Variants in PRKG1 observed in about 807,000 individuals in gnomAD.
PRKG1 encodes protein kinase cGMP-dependent 1.
PRKG1 carries 35 observed loss-of-function variants against 88.1 expected under a neutral mutation model. The ratio of observed to expected loss-of-function variants is 0.40; its 90% CI spans 0.30 to 0.53. The LOEUF (loss-of-function observed/expected upper bound fraction) is 0.53, where lower values mean the gene tolerates loss of function less well. Among genes scored for constraint, PRKG1 ranks in the 20% least tolerant of loss-of-function variants. The pLI is 0.59. For missense variants in PRKG1, 540 were observed against 839.8 expected (o/e 0.64, Z 4.41); for synonymous variants, 303 against 292.5 (o/e 1.04, Z -0.37).
Position 52,139,353 on chromosome 10 carries a change from G to A in PRKG1, c.1001+5448G>A, listed in dbSNP as rs561688678. Among the ~76,000 whole-genome samples the A allele has an allele frequency of 3.9e-5, 6 of 152,198 alleles. No homozygotes were observed. The East Asian group carries it at 5.8e-4, about 15-fold the overall frequency. On this transcript the variant is annotated intron_variant, in intron 8 of 17. Coordinates refer to ENST00000373980, the MANE Select transcript of PRKG1 (RefSeq NM_006258.4). ...CACATGTAGCCTCTGTTTAGAACTC[G>A]TTTGTAACTCTTTAGCCACAACAGC...
intron 1 of PRKG1, among the ~76,000 whole-genome samples, chr10:51,144,921 C>T (rs2131961200): frequency 6.6e-6 from 1 of 152,274 alleles, no homozygotes; most frequent in African/African-American, 2.4e-5. Context: ...GAGAATCATG[C>T]TGTATTTCTG....
Position 51,689,552 on chromosome 10 carries a change from T to C in PRKG1, c.593-115033T>C, listed in dbSNP as rs1482483548. The stretch of plus-strand genomic sequence containing the variant: ...TTTGCAAAGGGTTGGAGAATATGGA[T>C]TAATCCCATACAATGTGTAAGTGGT... On this transcript the variant is annotated intron_variant, in intron 3 of 17. Transcript: ENST00000373980. Among the ~76,000 whole-genome samples the C allele has an allele frequency of 2.0e-5, 3 of 152,148 alleles. No homozygotes were observed. In the East Asian group the frequency reaches 5.8e-4, roughly 29 times the overall value.
At chr10:51,992,392 T>C (rs892099798) in intron 5 of PRKG1, among the ~76,000 whole-genome samples, 7 of 152,080 alleles carry the variant, frequency 4.6e-5, no homozygotes, top group Non-Finnish European at 1.0e-4. Context: ...AAAAAAAAAA[T>C]CTTTAATGTA....
At chr10:52,231,266 TGGA>T (rs1342496079) in intron 9 of PRKG1, 1 of 152,094 alleles carries the variant, frequency 6.6e-6, no homozygotes, top group Non-Finnish European at 1.5e-5. Context: ...CCAGACATGG[TGGA>T]GGGTGCCTGT....
chr10:51,004,356 G>A (rs755965424), intron 1 of PRKG1, among the ~76,000 whole-genome samples: 1 of 152,128 alleles, frequency 6.6e-6, no homozygotes, highest in Non-Finnish European at 1.5e-5. Flanking sequence ...CTATTGGACA[G>A]GCTGAGGCAG....
At chr10:51,254,106 C>A (rs1284839915) in intron 2 of PRKG1, among the ~76,000 whole-genome samples, 1 of 151,934 alleles carries the variant, frequency 6.6e-6, no homozygotes, top group Admixed American at 6.6e-5. Flanking sequence ...CATACACACA[C>A]ACTATATTCA....
At chr10:51,506,952 C>G (rs1443442512) in intron 3 of PRKG1, among the ~76,000 whole-genome samples, 1 of 152,048 alleles carries the variant, frequency 6.6e-6, no homozygotes, top group African/African-American at 2.4e-5. Context: ...ACATATTCAC[C>G]ATGGAATACT....
At chr10:51,434,055 G>A (rs577948642) in intron 2 of PRKG1, among the ~76,000 whole-genome samples, 188 of 152,226 alleles carry the variant, frequency 1.2e-3, no homozygotes, top group African/African-American at 4.2e-3. Flanking sequence ...CTGACACCAA[G>A]TCCAGAATGC....
chr10:51,599,903 C>A (rs1348080955), intron 3 of PRKG1, among the ~76,000 whole-genome samples: 1 of 152,078 alleles, frequency 6.6e-6, no homozygotes, highest in Admixed American at 6.6e-5. Flanking sequence ...TGTAAATTTG[C>A]TTTCAAAATA....
chr10:51,039,662 A>G (rs1328349190), intron 1 of PRKG1, among the ~76,000 whole-genome samples: 1 of 152,078 alleles, frequency 6.6e-6, no homozygotes, highest in Non-Finnish European at 1.5e-5. Context: ...TACTCAAGAA[A>G]TCTTTGCTCA....
chr10:51,829,293 T>C (rs1839948549), intron 4 of PRKG1, among the ~76,000 whole-genome samples: 1 of 152,204 alleles, frequency 6.6e-6, no homozygotes, highest in Admixed American at 6.5e-5. Context: ...GTCACTTCTG[T>C]ATTTTATTCC....
At position 51,457,307 on chromosome 10, in the gene PRKG1, T is replaced by G. The variant is rs552377375; in HGVS notation, c.479-10416T>G. On this transcript the variant is annotated intron_variant, in intron 2 of 17. Transcript: ENST00000373980. ...TGGATGGAGTTGGAGACCATTATTC[T>G]AAGTGAAGTAACTCAGGAATAGAAA... 7.2e-5 allele frequency among the ~76,000 whole-genome samples: 11 copies of G among 152,332 alleles called. No individual in the cohort carries two copies. In the East Asian group the frequency reaches 1.7e-3, roughly 24 times the overall value.
chr10:51,922,026 A>C (rs879074886), intron 5 of PRKG1, among the ~76,000 whole-genome samples: 1 of 151,798 alleles, frequency 6.6e-6, no homozygotes, highest in East Asian at 1.9e-4. Context: ...TTACCTGTGA[A>C]TCTATTAGGG....
At chr10:51,084,065 A>T (rs570323357) in intron 1 of PRKG1, among the ~76,000 whole-genome samples, 1 of 152,192 alleles carries the variant, frequency 6.6e-6, no homozygotes, top group Admixed American at 6.5e-5. Context: ...CTAAAATATG[A>T]AAATGTATTC....
intron 9 of PRKG1, chr10:52,231,030 T>C (rs754541536): frequency 2.0e-5 from 3 of 152,210 alleles, no homozygotes; most frequent in Non-Finnish European, 1.5e-5. Flanking sequence ...CTTCAATAAT[T>C]TGAATTATGT....
chr10:52,031,144 T>C (rs191155575), intron 5 of PRKG1, among the ~76,000 whole-genome samples: 107 of 152,312 alleles, frequency 7.0e-4, no homozygotes, highest in South Asian at 1.9e-3. Context: ...ATAAAATGAT[T>C]GACCACTGGG....
intron 3 of PRKG1, among the ~76,000 whole-genome samples, chr10:51,522,456 A>T (rs557258292): frequency 6.6e-6 from 1 of 152,346 alleles, no homozygotes; most frequent in Admixed American, 6.5e-5. Context: ...TAGATTAAGA[A>T]GAAAGCAGTC....
chr10:51,194,068 T>C (rs148347048), intron 2 of PRKG1, among the ~76,000 whole-genome samples: 3 of 152,284 alleles, frequency 2.0e-5, no homozygotes, highest in African/African-American at 7.2e-5. Context: ...AATTTCAAAT[T>C]GTTTTTCATA....
chr10:51,940,289 T>C (rs1353457627), intron 5 of PRKG1, among the ~76,000 whole-genome samples: 2 of 151,878 alleles, frequency 1.3e-5, no homozygotes, highest in Admixed American at 1.3e-4. Flanking sequence ...AGCTTTCTAC[T>C]GATAATCAGC....
Sources: allele counts gnomAD v4.1 joint callset (sites outside exome capture counted in the v4.1 genomes callset), GRCh38; gene constraint gnomAD v4.1.1; transcripts MANE v1.5; gene names NCBI Gene and HGNC (gene_info 2026-07-23, HGNC 2026-07-21).